PTGR1: variants seen among roughly 807,000 people sequenced by gnomAD.
PTGR1 encodes 15-oxoprostaglandin 13-reductase.
Under a neutral mutation model 37.7 loss-of-function variants are expected in PTGR1, and 23 were observed. The observed-to-expected ratio is 0.61, with a 90% CI of 0.44 to 0.86. The LOEUF is 0.86. Among genes scored for constraint, PTGR1 ranks in the 40% least tolerant of loss-of-function variants. PTGR1 has a pLI of 0.00. For synonymous variants in PTGR1, 134 were observed against 140.0 expected, an observed-to-expected ratio of 0.96 and a Z score of 0.30; for missense variants, 351 against 394.3, an observed-to-expected ratio of 0.89 and a Z score of 0.93.
intron 4 of PTGR1, among the ~76,000 whole-genome samples, chr9:111,587,072 C>T (rs2132419789): frequency 6.6e-6 from 1 of 152,208 alleles, no homozygotes; most frequent in African/African-American, 2.4e-5. Context: ...GCCTTGGCCT[C>T]CCAAAGTGCT....
chr9:111,559,531 T>TC (rs1313009498), downstream of PTGR1, among the ~76,000 whole-genome samples: 1 of 151,800 alleles, frequency 6.6e-6, no homozygotes, highest in Non-Finnish European at 1.5e-5. Flanking sequence ...CCAACTCCCC[T>TC]CATCAGGCCA....
At chr9:111,578,769 TAG>T (rs1205516696) in intron 7 of PTGR1, 25 bp downstream of exon 7, 1 of 1,576,444 alleles carries the variant, frequency 6.3e-7, no homozygotes, top group Admixed American at 1.8e-5. Context: ...CATAATAAAT[TAG>T]ATATTAAGTC....
intron 4 of PTGR1, among the ~76,000 whole-genome samples, chr9:111,588,777 C>CA (rs571773021): frequency 9.9e-4 from 150 of 152,274 alleles, no homozygotes; most frequent in African/African-American, 2.9e-3. Context: ...CCACCCACCT[C>CA]AGCCTCCCAA....
intron 5 of PTGR1, among the ~76,000 whole-genome samples, chr9:111,585,753 A>G (rs941322253): frequency 5.3e-5 from 8 of 152,210 alleles, no homozygotes; most frequent in Non-Finnish European, 1.2e-4. Flanking sequence ...ACAAATGACA[A>G]GATTTTCTTC....
At chr9:111,565,017 A>C (rs1367038610) in intron 9 of PTGR1, among the ~76,000 whole-genome samples, 1 of 152,076 alleles carries the variant, frequency 6.6e-6, no homozygotes, top group Non-Finnish European at 1.5e-5. Flanking sequence ...CCAGCTAGTC[A>C]GGAGGCTGAG....
intron 9 of PTGR1, among the ~76,000 whole-genome samples, chr9:111,564,905 C>T (rs1164997894): frequency 6.6e-6 from 1 of 151,862 alleles, no homozygotes; most frequent in East Asian, 1.9e-4. Context: ...GGGTGGATCA[C>T]CCGAGGTCAG....
rs566551038 is a variant in PTGR1 at position 111,578,192 on chromosome 9, T to A, written c.651+604A>T. 3.0e-4 allele frequency among the ~76,000 whole-genome samples: 46 copies of A among 152,290 alleles called. No homozygotes were observed. The South Asian group carries it at 9.5e-3, about 32-fold the overall frequency. ...ATGGAAACTCTAGGAATATATTCCC[T>A]TGTATCAGCGGTCCTCAACCTTTTT... On this transcript the variant is annotated intron_variant, in intron 7 of 9. Transcript: ENST00000407693.
chr9:111,573,411 C>T (rs527606041), intron 8 of PTGR1, among the ~76,000 whole-genome samples: 1 of 152,136 alleles, frequency 6.6e-6, no homozygotes, highest in East Asian at 1.9e-4. Context: ...CCTTTCTAGC[C>T]CCCCCATCTC....
intron 7 of PTGR1, among the ~76,000 whole-genome samples, chr9:111,578,001 G>T (rs933860359): frequency 7.6e-6 from 1 of 131,838 alleles, no homozygotes; most frequent in Non-Finnish European, 1.7e-5. Flanking sequence ...AGCGTTTTTT[G>T]GGGGGGGTGA....
At chr9:111,594,719 A>AT (rs1333044299) in intron 2 of PTGR1, among the ~76,000 whole-genome samples, 19 of 150,206 alleles carry the variant, frequency 1.3e-4, no homozygotes, top group African/African-American at 4.2e-4. Flanking sequence ...CGCCCAGCTA[A>AT]TTTTTTGTAT....
intron 2 of PTGR1, 132 bp downstream of exon 2, chr9:111,597,185 G>T: frequency 1.4e-6 from 1 of 696,462 alleles, no homozygotes; most frequent in Non-Finnish European, 2.4e-6. Context: ...AGCCCAAATT[G>T]CCAACCCAAA....
At chr9:111,575,163 A>G (rs962501370) in intron 7 of PTGR1, among the ~76,000 whole-genome samples, 1 of 152,170 alleles carries the variant, frequency 6.6e-6, no homozygotes, top group African/African-American at 2.4e-5. Flanking sequence ...TTAGAAGGGC[A>G]TGGTGGTGGG....
chr9:111,598,712 C>T (rs1448750719), intron 1 of PTGR1, among the ~76,000 whole-genome samples: 1 of 151,992 alleles, frequency 6.6e-6, no homozygotes, highest in Non-Finnish European at 1.5e-5. Context: ...CCAGACTGGT[C>T]TAGAACTCCT....
intron 2 of PTGR1, among the ~76,000 whole-genome samples, chr9:111,595,673 G>A (rs770740734): frequency 5.3e-5 from 8 of 151,768 alleles, no homozygotes; most frequent in African/African-American, 1.2e-4. Context: ...TTGCTCTGTC[G>A]CCCAGGCTGG....
chr9:111,567,933 C>T (rs533373282), intron 9 of PTGR1, among the ~76,000 whole-genome samples: 12 of 152,270 alleles, frequency 7.9e-5, no homozygotes, highest in South Asian at 6.2e-4. Context: ...TAATTTCTTA[C>T]GCCTGTCTTA....
intron 9 of PTGR1, among the ~76,000 whole-genome samples, chr9:111,557,244 T>C (rs1440769841): frequency 6.6e-6 from 1 of 151,864 alleles, no homozygotes; most frequent in Admixed American, 6.6e-5. Flanking sequence ...CATCATGGCA[T>C]GCACCTGTAA....
chr9:111,570,062 T>C (rs751195920), intron 9 of PTGR1, 29 bp downstream of exon 9: 6 of 1,613,408 alleles, frequency 3.7e-6, no homozygotes, highest in Admixed American at 3.3e-5. Flanking sequence ...TAGTGTACAA[T>C]TGGAAGGGGT....
At chr9:111,557,065 C>T (rs1373017517) in intron 9 of PTGR1, among the ~76,000 whole-genome samples, 2 of 152,198 alleles carry the variant, frequency 1.3e-5, no homozygotes, top group Admixed American at 6.5e-5. Flanking sequence ...TCTGAAATGC[C>T]CTGGAAGCAT....
intron 9 of PTGR1, among the ~76,000 whole-genome samples, chr9:111,552,509 A>G: frequency 6.6e-6 from 1 of 152,224 alleles, no homozygotes; most frequent in Non-Finnish European, 1.5e-5. Context: ...GACTTAACTT[A>G]GCTGGAGTTC....
Sources: gnomAD v4.1 joint callset for allele counts (sites outside exome capture counted in the v4.1 genomes callset) on GRCh38, gnomAD v4.1.1 for gene constraint, MANE v1.5 for transcripts, NCBI Gene and HGNC (gene_info 2026-07-23, HGNC 2026-07-21) for gene names.